The following ELAVL4 variants were observed in gnomAD, a reference collection of about 807,000 sequenced individuals.
ELAVL4 encodes the protein ELAV like RNA binding protein 4, also known as ELAV-like protein 4.
ELAVL4 carries 1 observed loss-of-function variant against 35.6 expected under a neutral mutation model. That is an observed-to-expected ratio of 0.03 (90% CI 0.01 to 0.13). The LOEUF is 0.13. Among genes scored for constraint, ELAVL4 ranks in the 10% least tolerant of loss-of-function variants. The pLI, the probability that ELAVL4 is intolerant of heterozygous loss-of-function variation, is 1.00. For synonymous variants in ELAVL4, 156 were observed against 171.0 expected, an observed-to-expected ratio of 0.91 and a Z score of 0.69; for missense variants, 267 against 464.9, an observed-to-expected ratio of 0.57 and a Z score of 3.91.
At chr1:50,143,098 G>T (rs1673097372) in intron 1 of ELAVL4, among the ~76,000 whole-genome samples, 1 of 152,138 alleles carries the variant, frequency 6.6e-6, no homozygotes, top group Non-Finnish European at 1.5e-5. Flanking sequence ...GAGGGGTGAG[G>T]TAAATGACAG....
upstream of ELAVL4, among the ~76,000 whole-genome samples, chr1:50,105,272 A>G (rs1183635920): frequency 6.6e-6 from 1 of 152,122 alleles, no homozygotes; most frequent in Non-Finnish European, 1.5e-5. Flanking sequence ...TGTTTTTGCT[A>G]AAGAGAAATA....
intron 1 of ELAVL4, among the ~76,000 whole-genome samples, chr1:50,089,977 A>G (rs1249748888): frequency 2.0e-5 from 3 of 152,120 alleles, no homozygotes; most frequent in Non-Finnish European, 4.4e-5. Flanking sequence ...AGTCATGTAA[A>G]AGCCTCAAAA....
chr1:50,200,499 T>C (rs1448851298), intron 6 of ELAVL4, among the ~76,000 whole-genome samples: 1 of 151,924 alleles, frequency 6.6e-6, no homozygotes, highest in East Asian at 1.9e-4. Context: ...TTGTCTATTG[T>C]TGGGGTGGGG....
At chr1:50,080,518 A>G (rs1432714466) in intron 1 of ELAVL4, among the ~76,000 whole-genome samples, 1 of 152,178 alleles carries the variant, frequency 6.6e-6, no homozygotes, top group African/African-American at 2.4e-5. Context: ...ATATATGTGT[A>G]TATATTTCTA....
chr1:50,144,597 T>C (rs1673362952), intron 1 of ELAVL4: 1 of 475,276 alleles, frequency 2.1e-6, no homozygotes, highest in Non-Finnish European at 4.0e-6. Context: ...GGAACTATAA[T>C]TTTAATCATG....
chr1:50,088,939 G>A (rs976070666), intron 1 of ELAVL4, among the ~76,000 whole-genome samples: 1 of 152,178 alleles, frequency 6.6e-6, no homozygotes, highest in Admixed American at 6.5e-5. Flanking sequence ...ACCAGGCTTG[G>A]CAATTGTTCT....
At chr1:50,190,572 T>C (rs1034836188) in intron 3 of ELAVL4, among the ~76,000 whole-genome samples, 2 of 152,248 alleles carry the variant, frequency 1.3e-5, no homozygotes, top group African/African-American at 2.4e-5. Context: ...GAATGATTGA[T>C]GTGCTGTTCA....
chr1:50,051,138 A>G (rs1365970873), intron 1 of ELAVL4, among the ~76,000 whole-genome samples: 3 of 152,178 alleles, frequency 2.0e-5, no homozygotes, highest in Non-Finnish European at 4.4e-5. Flanking sequence ...TTACAACATT[A>G]TGTCTTGGGA....
intron 1 of ELAVL4, among the ~76,000 whole-genome samples, chr1:50,087,814 A>T (rs1194916834): frequency 6.6e-6 from 1 of 152,206 alleles, no homozygotes; most frequent in Non-Finnish European, 1.5e-5. Context: ...CTAGGAGGAG[A>T]GTCCCCTCTA....
At chr1:50,110,252 A>G (rs550626974) in intron 1 of ELAVL4, among the ~76,000 whole-genome samples, 6 of 152,124 alleles carry the variant, frequency 3.9e-5, no homozygotes, top group South Asian at 2.1e-4. Context: ...TTGACAATCA[A>G]TGTCACCGTC....
At chr1:50,100,871 T>C (rs1269782062), upstream of ELAVL4, among the ~76,000 whole-genome samples, 1 of 152,228 alleles carries the variant, frequency 6.6e-6, no homozygotes, top group Non-Finnish European at 1.5e-5. Flanking sequence ...AGAGTCTTTA[T>C]ATCATATCTT....
rs924203497 is a variant in ELAVL4, at chr1:50,158,931, G to A, written c.250+13734G>A. Among the ~76,000 whole-genome samples, 6 of 151,920 alleles carry A rather than the reference G, an allele frequency of 3.9e-5. No individual in the cohort carries two copies. In the East Asian group the frequency reaches 5.8e-4, roughly 15 times the overall value. On this transcript the variant is annotated intron_variant, in intron 2 of 6. Coordinates refer to ENST00000371824, the MANE Select transcript of ELAVL4 (RefSeq NM_001144774.3). The stretch of plus-strand genomic sequence containing the variant: ...CAGGCGCCTGTAATCCCAGCTATTC[G>A]GGAGGCTGAGGCAGAGAATTGCTTG...
At chr1:50,048,233 G>C in intron 1 of ELAVL4, 1 of 1,465,550 alleles carries the variant, frequency 6.8e-7, no homozygotes. Flanking sequence ...CCCGCCCTCT[G>C]TTACGGACAC....
intron 1 of ELAVL4, among the ~76,000 whole-genome samples, chr1:50,079,599 A>T (rs1475806183): frequency 1.3e-5 from 2 of 152,192 alleles, no homozygotes; most frequent in African/African-American, 4.8e-5. Context: ...GAGAGTTGAC[A>T]GTTGAGGGTT....
At chr1:50,125,678 G>A (rs1669785715) in intron 1 of ELAVL4, among the ~76,000 whole-genome samples, 1 of 152,006 alleles carries the variant, frequency 6.6e-6, no homozygotes, top group South Asian at 2.1e-4. Context: ...AGGAGGATTT[G>A]GCCAATCATT....
chr1:50,127,859 A>G lies in ELAVL4; in HGVS notation c.10-17098A>G, dbSNP rs961219172. The stretch of plus-strand genomic sequence containing the variant: ...ATGCTATGCAATTAGTATTTAATAA[A>G]TGTTTGAATTGATGTTAATTGAATG... On this transcript the variant is annotated intron_variant, in intron 1 of 6. Transcript: ENST00000371824. Among the ~76,000 whole-genome samples, 18 of 152,164 alleles carry G rather than the reference A, an allele frequency of 1.2e-4. 1 individual carries two copies. Among genetic ancestry groups the G allele is most frequent in the Admixed American group, 1.1e-3 (17 of 15,266 alleles).
chr1:50,162,409 A>T (rs999148239), intron 2 of ELAVL4, among the ~76,000 whole-genome samples: 2 of 152,146 alleles, frequency 1.3e-5, no homozygotes, highest in African/African-American at 4.8e-5. Flanking sequence ...CAGTTCAACA[A>T]GCTTATATTA....
intron 1 of ELAVL4, among the ~76,000 whole-genome samples, chr1:50,130,678 CTTATTTAT>C (rs761506777): frequency 1.1e-4 from 16 of 152,118 alleles, no homozygotes; most frequent in Non-Finnish European, 2.1e-4. Context: ...TTCTTATTTA[CTTATTTAT>C]TTACTTCCTT....
chr1:50,135,031 T>G (rs1671647096), intron 1 of ELAVL4, among the ~76,000 whole-genome samples: 1 of 152,160 alleles, frequency 6.6e-6, no homozygotes. Context: ...GAAATTAAAT[T>G]TTGATTATGC....
Sources: allele counts gnomAD v4.1 joint callset (sites outside exome capture counted in the v4.1 genomes callset), GRCh38; gene constraint gnomAD v4.1.1; transcripts MANE v1.5; gene names NCBI Gene and HGNC (gene_info 2026-07-23, HGNC 2026-07-21).